CASP10: variants seen among roughly 807,000 people sequenced by gnomAD.
CASP10 encodes caspase-10.
CASP10 carries 41 observed loss-of-function variants against 48.5 expected under a neutral mutation model. The observed-to-expected ratio is 0.85, with a 90% CI of 0.66 to 1.10. The LOEUF is 1.10. CASP10 is among the 50% of genes least tolerant of loss of function. The probability of loss-of-function intolerance (pLI) is 0.00; values close to 1 mark genes in which losing one functional copy is unlikely to be tolerated. For synonymous variants in CASP10, 232 were observed against 238.4 expected (o/e 0.97, Z 0.25); for missense variants, 614 against 614.5 (o/e 1.00, Z 0.01).
At chr2:201,201,142 C>T (rs565056617) in intron 5 of CASP10, among the ~76,000 whole-genome samples, 6 of 152,140 alleles carry the variant, frequency 3.9e-5, no homozygotes, top group African/African-American at 9.6e-5. Flanking sequence ...CTCAGCCTCC[C>T]GGGTTCAAAT....
At position 201,185,754 on chromosome 2, in the gene CASP10, CT is replaced by C. The variant is rs778361451; in HGVS notation, c.-7-16del. On this transcript the variant is annotated splice_polypyrimidine_tract_variant and intron_variant, in intron 1 of 9. Coordinates refer to ENST00000286186, the MANE Select transcript of CASP10 (RefSeq NM_032977.4). ...CTCACTCTCTAACTCCCTGCCCCAC[CT>C]CTCTGTCCCTTTCAGGCTGGCCATG... The C allele has an allele frequency of 1.9e-6, 3 of 1,555,352 alleles. No homozygotes were observed. Among genetic ancestry groups the C allele is most frequent in the Non-Finnish European group, 2.7e-6 (3 of 1,126,660 alleles).
In CASP10 at chr2:201,218,972, G is replaced by C. The variant is rs1945652752; in HGVS notation, c.*1231G>C. The C allele has an allele frequency of 1.2e-5, 12 of 985,432 alleles. No homozygotes were observed. In the South Asian group the frequency reaches 4.2e-4, roughly 35 times the overall value. The allele number at this position is 985,432 out of a possible 1,614,324, so 61.0% of individuals were successfully genotyped here. On this transcript the variant is annotated 3_prime_UTR_variant, in exon 10 of 10. Transcript: ENST00000286186. ...GCAAGCAGAAACTTTACAACCTGAT[G>C]TCATATTCCATTTTGGACTGGGTGC...
chr2:201,203,656 C>T, intron 5 of CASP10, 74 bp from the exon 6 acceptor site: 1 of 1,284,720 alleles, frequency 7.8e-7, no homozygotes, highest in Non-Finnish European at 1.1e-6. Context: ...TTCCCTGCAT[C>T]AAGTCTAGTT....
At chr2:201,222,025 T>C (rs530470061), downstream of CASP10, among the ~76,000 whole-genome samples, 1 of 152,296 alleles carries the variant, frequency 6.6e-6, no homozygotes, top group East Asian at 1.9e-4. Context: ...CATGTCTGCG[T>C]GAATTTTGAG....
intron 9 of CASP10, chr2:201,214,369 T>A (rs1365137475): frequency 1.3e-5 from 2 of 152,156 alleles, no homozygotes; most frequent in South Asian, 2.1e-4. Context: ...GAAATTAATA[T>A]GGAAATACAG....
intron 1 of CASP10, among the ~76,000 whole-genome samples, chr2:201,184,543 T>A (rs1035937532): frequency 2.0e-5 from 3 of 152,068 alleles, no homozygotes; most frequent in Non-Finnish European, 2.9e-5. Flanking sequence ...AGTCTGGTCT[T>A]GAACTCCTGG....
chr2:201,201,037 G>A (rs1278866863), intron 5 of CASP10, among the ~76,000 whole-genome samples: 1 of 151,910 alleles, frequency 6.6e-6, no homozygotes, highest in Non-Finnish European at 1.5e-5. Context: ...CGCTCCCCCA[G>A]AAGCTCTTTA....
Position 201,218,974 on chromosome 2 carries a change from C to A in CASP10, c.*1233C>A. On this transcript the variant is annotated 3_prime_UTR_variant, in exon 10 of 10. Transcript: ENST00000286186. The stretch of plus-strand genomic sequence containing the variant: ...AAGCAGAAACTTTACAACCTGATGT[C>A]ATATTCCATTTTGGACTGGGTGCGG... 1.0e-6 allele frequency: 1 copy of A among 985,442 alleles called. No homozygotes were observed. The highest frequency in any genetic ancestry group is 1.2e-6 in the Non-Finnish European group (1 of 829,948). The allele number at this position is 985,442 out of a possible 1,614,324, so 61.0% of individuals were successfully genotyped here. A position where few individuals can be genotyped will look rare whatever the true frequency, so the allele number is the denominator to read the frequency against.
chr2:201,219,621 T>TCTGG lies in CASP10; in HGVS notation c.*1883_*1886dup. On this transcript the variant is annotated 3_prime_UTR_variant, in exon 10 of 10. Coordinates refer to ENST00000286186, the MANE Select transcript of CASP10 (RefSeq NM_032977.4). Reference sequence around the variant, plus strand: ...TGGGCTCTTCTTGGCAGAGGGGATGTCTGGCTTGCCTGAAGGGAGTGGCTC... The same window carrying TCTGG: ...TGGGCTCTTCTTGGCAGAGGGGATGTCTGGCTGGCTTGCCTGAAGGGAGTGGCTC... 1.0e-6 allele frequency: 1 copy of TCTGG among 985,358 alleles called. No homozygotes were observed. Among genetic ancestry groups the TCTGG allele is most frequent in the Non-Finnish European group, 1.2e-6 (1 of 829,934 alleles). The allele number at this position is 985,358 out of a possible 1,614,324, so 61.0% of individuals were successfully genotyped here.
intron 9 of CASP10, chr2:201,212,903 A>G (rs1426436274): frequency 2.6e-5 from 4 of 152,184 alleles, no homozygotes; most frequent in African/African-American, 9.7e-5. Flanking sequence ...TCAGTTTGAG[A>G]TGATGGTTTC....
intron 5 of CASP10, among the ~76,000 whole-genome samples, chr2:201,202,005 C>A (rs548221611): frequency 2.0e-5 from 3 of 152,168 alleles, no homozygotes; most frequent in African/African-American, 7.2e-5. Context: ...CACGTGCCAC[C>A]GCACCCAGCA....
intron 5 of CASP10, among the ~76,000 whole-genome samples, chr2:201,201,219 T>A (rs568913911): frequency 6.6e-6 from 1 of 151,810 alleles, no homozygotes; most frequent in South Asian, 2.1e-4. Flanking sequence ...CTGGCTAATT[T>A]TTTTTGTATT....
chr2:201,213,998 A>G (rs1370673000), intron 9 of CASP10: 1 of 152,308 alleles, frequency 6.6e-6, no homozygotes, highest in East Asian at 1.9e-4. Flanking sequence ...TTAGGTGCTT[A>G]TACATGGGCT....
chr2:201,211,167 G>A (rs980433722), intron 9 of CASP10, among the ~76,000 whole-genome samples: 2 of 151,980 alleles, frequency 1.3e-5, no homozygotes, highest in Non-Finnish European at 2.9e-5. Context: ...TTTAAATATG[G>A]GATCTCACCA....
At chr2:201,227,577 G>A (rs922467575) in intron 9 of CASP10, among the ~76,000 whole-genome samples, 2 of 152,076 alleles carry the variant, frequency 1.3e-5, no homozygotes, top group Non-Finnish European at 2.9e-5. Context: ...TTAGTTTTGA[G>A]ATGGAGTCTC....
chr2:201,189,194 C>T lies in CASP10; in HGVS notation c.441+1395C>T, dbSNP rs912043125. On this transcript the variant is annotated intron_variant, in intron 3 of 9. Coordinates refer to ENST00000286186, the MANE Select transcript of CASP10 (RefSeq NM_032977.4). ...GCCACATATTAGAATTGTATCATTT[C>T]GTTTTCCCTTCATCCATTATTTGGT... 5.9e-5 allele frequency among the ~76,000 whole-genome samples: 9 copies of T among 151,998 alleles called. No homozygotes were observed. In the East Asian group the frequency reaches 7.7e-4, roughly 13 times the overall value.
chr2:201,211,060 A>G (rs1209696663), intron 9 of CASP10, among the ~76,000 whole-genome samples: 2 of 152,114 alleles, frequency 1.3e-5, no homozygotes, highest in African/African-American at 4.8e-5. Flanking sequence ...TGTATCCATC[A>G]CCTCATGCAT....
At chr2:201,222,058 A>G (rs1945731648), downstream of CASP10, among the ~76,000 whole-genome samples, 1 of 152,162 alleles carries the variant, frequency 6.6e-6, no homozygotes, top group Non-Finnish European at 1.5e-5. Context: ...AGGTGATTTG[A>G]TCACAGCTAT....
At chr2:201,184,325 T>G (rs911231165) in intron 1 of CASP10, among the ~76,000 whole-genome samples, 1 of 151,906 alleles carries the variant, frequency 6.6e-6, no homozygotes, top group Non-Finnish European at 1.5e-5. Context: ...TTTTTGTTGT[T>G]GTTTTGTTTT....
Sources: allele counts gnomAD v4.1 joint callset (sites outside exome capture counted in the v4.1 genomes callset), GRCh38; gene constraint gnomAD v4.1.1; transcripts MANE v1.5; gene names NCBI Gene and HGNC (gene_info 2026-07-23, HGNC 2026-07-21).